Variants in GINS2 observed in about 807,000 individuals in gnomAD.
The protein encoded by GINS2 is GINS complex subunit 2, also known as DNA replication complex GINS protein PSF2.
A neutral mutation model predicts 21.2 loss-of-function variants in GINS2; 23 were observed. The observed-to-expected ratio is 1.08, with a 90% CI of 0.78 to 1.53. The LOEUF (loss-of-function observed/expected upper bound fraction) is 1.53, where lower values mean the gene tolerates loss of function less well. GINS2 is among the 40% of genes most tolerant of loss of function. The pLI, the probability that GINS2 is intolerant of heterozygous loss-of-function variation, is 0.00. For synonymous variants in GINS2, 118 were observed against 85.6 expected, an observed-to-expected ratio of 1.38 and a Z score of -2.09; for missense variants, 323 against 233.9, an observed-to-expected ratio of 1.38 and a Z score of -2.49.
intron 2 of GINS2, among the ~76,000 whole-genome samples, chr16:85,683,871 G>T (rs1395783495): frequency 1.3e-5 from 2 of 152,224 alleles, no homozygotes; most frequent in Admixed American, 6.5e-5. Context: ...GGAACAATGG[G>T]AACTCATATT....
At chr16:85,687,641 T>A in intron 1 of GINS2, 67 bp from the exon 2 acceptor site, 1 of 879,418 alleles carries the variant, frequency 1.1e-6, no homozygotes, top group Non-Finnish European at 1.7e-6. Context: ...TGTGCGTTAC[T>A]GCTATCAAAT....
At chr16:85,686,028 T>G (rs2053774313) in intron 2 of GINS2, among the ~76,000 whole-genome samples, 1 of 151,648 alleles carries the variant, frequency 6.6e-6, no homozygotes, top group Non-Finnish European at 1.5e-5. Context: ...TTCCCTATAA[T>G]AAGCTACTCA....
chr16:85,687,626 A>G, intron 1 of GINS2, 52 bp from the exon 2 acceptor site: 10 of 1,090,326 alleles, frequency 9.2e-6, no homozygotes, highest in Non-Finnish European at 1.3e-5. Context: ...CAAAAAAAGC[A>G]TTACTGTGCG....
chr16:85,688,308 G>A (rs530905818), intron 1 of GINS2, among the ~76,000 whole-genome samples: 2 of 152,290 alleles, frequency 1.3e-5, no homozygotes, highest in East Asian at 1.9e-4. Context: ...AGCACTTTGG[G>A]AGGCCGAGGC....
At chr16:85,683,675 C>A (rs1199223753) in intron 2 of GINS2, among the ~76,000 whole-genome samples, 1 of 152,258 alleles carries the variant, frequency 6.6e-6, no homozygotes, top group Non-Finnish European at 1.5e-5. Flanking sequence ...TACCACATCT[C>A]CCACCTCCAT....
intron 2 of GINS2, among the ~76,000 whole-genome samples, chr16:85,683,914 G>T (rs181077551): frequency 6.6e-6 from 1 of 152,298 alleles, no homozygotes; most frequent in East Asian, 1.9e-4. Context: ...TGCTTTGAAG[G>T]ACCAGGTGGC....
At chr16:85,681,102 C>G (rs916621786) in intron 3 of GINS2, among the ~76,000 whole-genome samples, 16 of 152,178 alleles carry the variant, frequency 1.1e-4, no homozygotes, top group Admixed American at 2.0e-4. Context: ...TTCCTGTAAC[C>G]CAAGGACAGA....
At chr16:85,680,750 C>T (rs1284384814) in intron 3 of GINS2, among the ~76,000 whole-genome samples, 2 of 152,194 alleles carry the variant, frequency 1.3e-5, no homozygotes, top group African/African-American at 4.8e-5. Context: ...AGGGAAAGGA[C>T]AGACTTACAG....
intron 3 of GINS2, among the ~76,000 whole-genome samples, chr16:85,680,200 G>C (rs1182925749): frequency 6.6e-6 from 1 of 152,216 alleles, no homozygotes; most frequent in Non-Finnish European, 1.5e-5. Flanking sequence ...CGAGTGGAAT[G>C]CTTGGTGCAT....
chr16:85,678,174 T>A lies in GINS2; in HGVS notation c.*38A>T. On this transcript the variant is annotated 3_prime_UTR_variant, in exon 5 of 5. Transcript: ENST00000253462. ...GAGTACCTCATCACGTCCTGAGCGC[T>A]CACATCCCCCAGCAAGCCGCCTGCA... The A allele has an allele frequency of 6.2e-7, 1 of 1,604,266 alleles. No homozygotes were observed. The highest frequency in any genetic ancestry group is 1.1e-5 in the South Asian group (1 of 90,214).
chr16:85,688,735 G>A, intron 1 of GINS2, 74 bp downstream of exon 1: 1 of 849,730 alleles, frequency 1.2e-6, no homozygotes, highest in South Asian at 1.9e-5. Context: ...CGCGACCCCG[G>A]GGCTGAAGGC....
At chr16:85,686,948 G>A (rs2053782442) in intron 2 of GINS2, among the ~76,000 whole-genome samples, 1 of 152,238 alleles carries the variant, frequency 6.6e-6, no homozygotes, top group Non-Finnish European at 1.5e-5. Context: ...AATATAGGCT[G>A]GGCACAGTGG....
rs989839506 is a variant in GINS2, at chr16:85,676,894, T to C, written c.*1318A>G. On this transcript the variant is annotated 3_prime_UTR_variant, in exon 5 of 5. Transcript: ENST00000253462. ...ATTTTTTTTGTTTGAGACAGAGTCT[T>C]GCTCTCGTTGCCCAGGCAGGAGTAC... 3.3e-4 allele frequency: 51 copies of C among 152,248 alleles called. No homozygotes were observed. Among genetic ancestry groups the C allele is most frequent in the African/African-American group, 1.1e-3 (46 of 41,442 alleles). The allele number at this position is 152,248 out of a possible 1,614,324, so 9.4% of individuals were successfully genotyped here.
In GINS2 at chr16:85,681,663, C is replaced by T. The variant is rs765001779; in HGVS notation, c.224G>A (p.Arg75Lys). 8 of 1,606,128 alleles carry T rather than the reference C, an allele frequency of 5.0e-6. No individual in the cohort carries two copies. The Admixed American group carries it at 1.0e-4, about 20-fold the overall frequency. The stretch of plus-strand genomic sequence containing the variant: ...AGTTTCTTCCTTTCGTTCATGATCC[C>T]TCATCTTCTCCAACTTTTCTGAAAT... ...WMDVEKLEKM[R>K]DHERKEETFT... Residue 75 changes from arginine (R) to lysine (K), a missense_variant, in exon 3 of 5, where the codon AGG becomes AAG. Physicochemically the swap from Arg to Lys is conservative, Grantham distance 26. Coordinates refer to ENST00000253462, the MANE Select transcript of GINS2 (RefSeq NM_016095.3).
chr16:85,687,509 C>T lies in GINS2; in HGVS notation c.156G>A (p.Leu52=). ...GCAGGCGACATTTCTGTCTTTGTTT[C>T]AGGTTAATCGCCAGCCACAGGGGCA... ...VEVPLWLAIN[L]KQRQKCRLLP... The change falls in exon 2 of 5, where the codon CTG becomes CTA. Residue 52 remains leucine (L), a synonymous_variant. Transcript: ENST00000253462. The T allele has an allele frequency of 6.3e-7, 1 of 1,597,208 alleles. No homozygotes were observed.
At chr16:85,684,235 G>A (rs1036272957) in intron 2 of GINS2, among the ~76,000 whole-genome samples, 1 of 152,220 alleles carries the variant, frequency 6.6e-6, no homozygotes, top group Admixed American at 6.5e-5. Context: ...TCAAGAAGCA[G>A]AAGTGGGAGG....
At chr16:85,683,659 G>C (rs530780533) in intron 2 of GINS2, among the ~76,000 whole-genome samples, 115 of 152,242 alleles carry the variant, frequency 7.6e-4, no homozygotes, top group African/African-American at 2.6e-3. Flanking sequence ...AACACACCTA[G>C]ACACCTACCA....
At chr16:85,687,717 C>T (rs1598764167) in intron 1 of GINS2, 143 bp from the exon 2 acceptor site, 2 of 548,800 alleles carry the variant, frequency 3.6e-6, no homozygotes, top group Non-Finnish European at 6.4e-6. Flanking sequence ...TGTTACCAGA[C>T]TCAGAACAAA....
chr16:85,678,287 T>G lies in GINS2; in HGVS notation c.483A>C (p.Thr161=). 6.2e-7 allele frequency: 1 copy of G among 1,613,232 alleles called. No homozygotes were observed. Among genetic ancestry groups the G allele is most frequent in the Non-Finnish European group, 8.5e-7 (1 of 1,179,168 alleles). ...MEINTSGTFL[T]QALNHMYKLR... is the part of the protein sequence containing the mutation. ...GTTTGTACATGTGGTTGAGCGCTTG[T>G]GTGAGGAAAGTCCCGCTGGTGTTGA... The change falls in exon 5 of 5, where the codon ACA becomes ACC. Residue 161 remains threonine (T), a synonymous_variant. Coordinates refer to ENST00000253462, the MANE Select transcript of GINS2 (RefSeq NM_016095.3).
Sources: allele counts gnomAD v4.1 joint callset (sites outside exome capture counted in the v4.1 genomes callset), GRCh38; gene constraint gnomAD v4.1.1; transcripts MANE v1.5; gene names NCBI Gene and HGNC (gene_info 2026-07-23, HGNC 2026-07-21).